The following RNF183 variants were observed in gnomAD, a reference collection of about 807,000 sequenced individuals.
The protein encoded by RNF183 is E3 ubiquitin-protein ligase RNF183.
Under a neutral mutation model 9.0 loss-of-function variants are expected in RNF183, and 4 were observed. That is an observed-to-expected ratio of 0.44 (90% CI 0.22 to 1.01). The LOEUF (loss-of-function observed/expected upper bound fraction) is 1.01. Among genes scored for constraint, RNF183 ranks in the 50% least tolerant of loss-of-function variants. RNF183 has a pLI of 0.25. For missense variants in RNF183, 227 were observed against 253.6 expected, an observed-to-expected ratio of 0.89 and a Z score of 0.71; for synonymous variants, 102 against 107.5, an observed-to-expected ratio of 0.95 and a Z score of 0.32.
At position 113,299,578 on chromosome 9, in the gene RNF183, G is replaced by A. The variant is rs1260064020; in HGVS notation, c.-44C>T. On this transcript the variant is annotated 5_prime_UTR_variant, in exon 4 of 5. Coordinates refer to ENST00000489339, the MANE Select transcript of RNF183 (RefSeq NM_001371237.1). ...GCAATCAGCGTGTACAAACCTCGCT[G>A]CCTTCTGCTTTGTTCTTAGCACACA... 6.6e-6 allele frequency: 1 copy of A among 152,124 alleles called. No homozygotes were observed. The highest frequency in any genetic ancestry group is 1.5e-5 in the Non-Finnish European group (1 of 68,056). 9.4% of individuals were successfully genotyped at this position (152,124 alleles called of 1,614,324 possible). A position where few individuals can be genotyped will look rare whatever the true frequency, so the allele number is the denominator to read the frequency against.
In RNF183 at chr9:113,298,431, G is replaced by C. The variant is rs1832809033; in HGVS notation, c.-37-210C>G. ...CCCCTCTGTCAAGGTGAAGGCCTGG[G>C]CCACCCCTACCAAGAGCCCCCAAGA... On this transcript the variant is annotated intron_variant, in intron 4 of 4. Transcript: ENST00000489339. This position sits in a 1 kb window ranked among gnomAD's most constrained non-coding sequence, Gnocchi z 4.9. The C allele has an allele frequency of 1.5e-5, 8 of 542,480 alleles. No homozygotes were observed. Among genetic ancestry groups the C allele is most frequent in the Non-Finnish European group, 2.3e-5 (7 of 305,994 alleles). The allele number at this position is 542,480 out of a possible 1,614,324, so 33.6% of individuals were successfully genotyped here.
In RNF183 at chr9:113,298,324, C is replaced by A; in HGVS notation, c.-37-103G>T. 1.4e-6 allele frequency: 1 copy of A among 699,152 alleles called. No individual in the cohort carries two copies. The highest frequency in any genetic ancestry group is 2.4e-6 in the Non-Finnish European group (1 of 408,168). The allele number at this position is 699,152 out of a possible 1,614,324, so 43.3% of individuals were successfully genotyped here. On this transcript the variant is annotated intron_variant, in intron 4 of 4. Transcript: ENST00000489339. The surrounding 1 kb of genome is among the most constrained non-coding windows in gnomAD (Gnocchi z 4.9). The stretch of plus-strand genomic sequence containing the variant: ...TGGGTGTTGAAAGGTGTAATCACCA[C>A]GTTTTACTTAGGTTCAAAAGCGTTT...
At position 113,298,299 on chromosome 9, in the gene RNF183, T is replaced by C. The variant is rs1242774677; in HGVS notation, c.-37-78A>G. 1 of 887,216 alleles carries C rather than the reference T, an allele frequency of 1.1e-6. No homozygotes were observed. Among genetic ancestry groups the C allele is most frequent in the Admixed American group, 2.3e-5 (1 of 43,114 alleles). 55.0% of individuals were successfully genotyped at this position (887,216 alleles called of 1,614,324 possible). On this transcript the variant is annotated intron_variant, in intron 4 of 4. Coordinates refer to ENST00000489339, the MANE Select transcript of RNF183 (RefSeq NM_001371237.1). This position sits in a 1 kb window ranked among gnomAD's most constrained non-coding sequence, Gnocchi z 4.9. ...GCTTGGCCTGGGGCAAAGTGTTCTG[T>C]GGGTGTTGAAAGGTGTAATCACCAC...
chr9:113,297,510 C>A lies in RNF183; in HGVS notation c.*96G>T. On this transcript the variant is annotated 3_prime_UTR_variant, in exon 5 of 5. Coordinates refer to ENST00000489339, the MANE Select transcript of RNF183 (RefSeq NM_001371237.1). Reference sequence around the variant, plus strand: ...AACAATCCCTGGATTGTAAAATAAACAACACTACAAAGGAAGACAATACCA... The same window carrying A: ...AACAATCCCTGGATTGTAAAATAAAAAACACTACAAAGGAAGACAATACCA... 1 of 773,722 alleles carries A rather than the reference C, an allele frequency of 1.3e-6. No homozygotes were observed. The highest frequency in any genetic ancestry group is 2.1e-6 in the Non-Finnish European group (1 of 480,856). 47.9% of individuals were successfully genotyped at this position (773,722 alleles called of 1,614,324 possible). A position where few individuals can be genotyped will look rare whatever the true frequency, so the allele number is the denominator to read the frequency against.
intron 3 of RNF183, among the ~76,000 whole-genome samples, chr9:113,300,793 C>T (rs916416351): frequency 1.6e-4 from 25 of 152,034 alleles, no homozygotes; most frequent in African/African-American, 5.6e-4. Context: ...CAGGGGTGAG[C>T]GGTAGGGTAA....
rs1327018201 is a variant in RNF183, at chr9:113,298,021, A to G, written c.164T>C (p.Leu55Pro). 2 of 1,614,054 alleles carry G rather than the reference A, an allele frequency of 1.2e-6. No individual in the cohort carries two copies. Among genetic ancestry groups the G allele is most frequent in the Non-Finnish European group, 1.7e-6 (2 of 1,180,018 alleles). Residue 55 changes from leucine (L) to proline (P), a missense_variant, in exon 5 of 5, where the codon CTG becomes CCG. Coordinates refer to ENST00000489339, the MANE Select transcript of RNF183 (RefSeq NM_001371237.1). This position sits in a 1 kb window ranked among gnomAD's most constrained non-coding sequence, Gnocchi z 4.9. ...SLVTPARRRL[L>P]CPLCRQPTVL... Reference sequence around the variant, plus strand: ...TGTGGGCTGGCGACAGAGTGGGCACAGCAGGCGGCGCCGGGCTGGAGTCAC... The same window carrying G: ...TGTGGGCTGGCGACAGAGTGGGCACGGCAGGCGGCGCCGGGCTGGAGTCAC...
intron 1 of RNF183, 24 bp from the exon 2 acceptor site, chr9:113,302,337 A>G (rs983564700): frequency 1.3e-5 from 2 of 152,160 alleles, no homozygotes; most frequent in African/African-American, 2.4e-5. Flanking sequence ...CTGGCCATGT[A>G]TCACCTCCAC....
intron 3 of RNF183, among the ~76,000 whole-genome samples, chr9:113,300,024 A>G (rs1419375443): frequency 6.6e-6 from 1 of 152,204 alleles, no homozygotes; most frequent in Admixed American, 6.5e-5. Flanking sequence ...CAGAAGACTC[A>G]TGGTAGAAAT....
chr9:113,297,948 G>A lies in RNF183; in HGVS notation c.237C>T (p.Ala79=). 1 of 1,613,824 alleles carries A rather than the reference G, an allele frequency of 6.2e-7. No homozygotes were observed. Among genetic ancestry groups the A allele is most frequent in the South Asian group, 1.1e-5 (1 of 91,064 alleles). ...QPVTDLPTDT[A]MLALLRLEPH... is the part of the protein sequence containing the mutation. Reference sequence around the variant, plus strand: ...GCTCCAGGCGGAGCAGGGCGAGCATGGCAGTGTCCGTGGGCAAGTCAGTGA... The same window carrying A: ...GCTCCAGGCGGAGCAGGGCGAGCATAGCAGTGTCCGTGGGCAAGTCAGTGA... Residue 79 remains alanine, a synonymous_variant, in exon 5 of 5, where the codon GCC becomes GCT. Coordinates refer to ENST00000489339, the MANE Select transcript of RNF183 (RefSeq NM_001371237.1).
chr9:113,302,085 T>G (rs1832934533), intron 2 of RNF183, 110 bp downstream of exon 2: 2 of 136,064 alleles, frequency 1.5e-5, no homozygotes, highest in South Asian at 4.6e-4. Context: ...AGATTATAAG[T>G]TTTTTTTTTT....
Position 113,301,033 on chromosome 9 carries a change from A to G in RNF183, c.-242+639T>C, listed in dbSNP as rs1007595606. ...ACTTCCCAAGAAGCAGTGGAGTTCT[A>G]GGGATCCAGTTGTAGTTTCTGTCAA... On this transcript the variant is annotated intron_variant, in intron 3 of 4. Transcript: ENST00000489339. 2.6e-5 allele frequency among the ~76,000 whole-genome samples: 4 copies of G among 152,250 alleles called. No individual in the cohort carries two copies. The South Asian group carries it at 8.3e-4, about 32-fold the overall frequency.
In RNF183 at chr9:113,298,098, C is replaced by G. The variant is rs1272545542; in HGVS notation, c.87G>C (p.Met29Ile). The G allele has an allele frequency of 6.2e-7, 1 of 1,613,924 alleles. No homozygotes were observed. Among genetic ancestry groups the G allele is most frequent in the East Asian group, 2.2e-5 (1 of 44,848 alleles). ...CGCAGAAGGAGTGGCAGCAATCCAG[C>G]ATTTTGGGGGTATGGAACGTGTTGT... ...PFNNTFHTPKMLDCCHSFCVE... is the reference protein window; with the variant it reads ...PFNNTFHTPKILDCCHSFCVE... Residue 29 changes from methionine to isoleucine, a missense_variant, in exon 5 of 5, where the codon ATG (methionine) becomes ATC (isoleucine). Met to Ile is a conservative substitution (Grantham distance 10). Coordinates refer to ENST00000489339, the MANE Select transcript of RNF183 (RefSeq NM_001371237.1). The surrounding 1 kb of genome is among the most constrained non-coding windows in gnomAD (Gnocchi z 4.9).
chr9:113,301,410 G>C (rs748515228), intron 3 of RNF183, among the ~76,000 whole-genome samples: 14 of 152,172 alleles, frequency 9.2e-5, no homozygotes, highest in Non-Finnish European at 7.3e-5. Context: ...TGATAATTGC[G>C]TGTGTCTTTC....
chr9:113,302,488 T>C (rs1832946639), intron 1 of RNF183, among the ~76,000 whole-genome samples, 175 bp from the exon 2 acceptor site: 1 of 152,220 alleles, frequency 6.6e-6, no homozygotes, highest in African/African-American at 2.4e-5. Context: ...GGCATTTCCA[T>C]AGCACTTCAC....
intron 3 of RNF183, among the ~76,000 whole-genome samples, chr9:113,300,644 C>T (rs1832889230): frequency 6.6e-6 from 1 of 151,272 alleles, no homozygotes; most frequent in South Asian, 2.1e-4. Flanking sequence ...CATGTGTGGC[C>T]CCGAGGTGAG....
chr9:113,299,825 C>G (rs1832859906), intron 3 of RNF183, 50 bp from the exon 4 acceptor site: 1 of 152,250 alleles, frequency 6.6e-6, no homozygotes, highest in Non-Finnish European at 1.5e-5. Flanking sequence ...GAACTACTCA[C>G]TTTGCAGATG....
rs1035697636 is a variant in RNF183 at position 113,297,488 on chromosome 9, A to G, written c.*118T>C. On this transcript the variant is annotated 3_prime_UTR_variant, in exon 5 of 5. Transcript: ENST00000489339. ...CCAGAAGCAAACACATGGCCTGAAC[A>G]ATCCCTGGATTGTAAAATAAACAAC... 1.5e-5 allele frequency: 10 copies of G among 683,672 alleles called. No homozygotes were observed. The African/African-American group carries it at 1.5e-4, about 10-fold the overall frequency. 42.4% of individuals were successfully genotyped at this position (683,672 alleles called of 1,614,324 possible).
Position 113,301,689 on chromosome 9 carries a change from A to G in RNF183, c.-259T>C, listed in dbSNP as rs752471071. 1 of 152,246 alleles carries G rather than the reference A, an allele frequency of 6.6e-6. No homozygotes were observed. Among genetic ancestry groups the G allele is most frequent in the Non-Finnish European group, 1.5e-5 (1 of 68,048 alleles). The allele number at this position is 152,246 out of a possible 1,614,324, so 9.4% of individuals were successfully genotyped here. ...ATACTTACCAGAGGCCGTAAACTGT[A>G]TGTAACCTTGACTCATCATTTCCCC... On this transcript the variant is annotated 5_prime_UTR_variant, in exon 3 of 5. Transcript: ENST00000489339.
At position 113,299,656 on chromosome 9, in the gene RNF183, G is replaced by A. The variant is rs916574627; in HGVS notation, c.-122C>T. ...CTGGCCATCCCACCAACCTTAGGGA[G>A]TTAAAGCGGGGAGTTGGAGGGAGGC... On this transcript the variant is annotated 5_prime_UTR_variant, in exon 4 of 5. Coordinates refer to ENST00000489339, the MANE Select transcript of RNF183 (RefSeq NM_001371237.1). The A allele has an allele frequency of 1.3e-5, 2 of 152,246 alleles. No homozygotes were observed. The highest frequency in any genetic ancestry group is 6.5e-5 in the Admixed American group (1 of 15,284). The allele number at this position is 152,246 out of a possible 1,614,324, so 9.4% of individuals were successfully genotyped here. A position where few individuals can be genotyped will look rare whatever the true frequency, so the allele number is the denominator to read the frequency against.
Sources: gnomAD v4.1 joint callset for allele counts (sites outside exome capture counted in the v4.1 genomes callset) on GRCh38, gnomAD v4.1.1 for gene constraint, Gnocchi (gnomAD v3.1) non-coding constraint, MANE v1.5 for transcripts, NCBI Gene and HGNC (gene_info 2026-07-23, HGNC 2026-07-21) for gene names.